The following GNG7 variants were observed in gnomAD, a reference collection of about 807,000 sequenced individuals.
GNG7 encodes guanine nucleotide-binding protein G(I)/G(S)/G(O) subunit gamma-7.
In GNG7, 1 loss-of-function variant was observed where a neutral mutation model predicts 4.0. That is an observed-to-expected ratio of 0.25 (90% CI 0.09 to 1.18). The LOEUF (loss-of-function observed/expected upper bound fraction) is 1.18. GNG7 is among the 50% of genes most tolerant of loss of function. GNG7 has a pLI of 0.50. For synonymous variants in GNG7, 34 were observed against 36.9 expected (o/e 0.92, Z 0.29); for missense variants, 86 against 91.9 (o/e 0.94, Z 0.26).
intron 2 of GNG7, chr19:2,642,620 G>A: frequency 2.7e-6 from 1 of 365,254 alleles, no homozygotes; most frequent in Non-Finnish European, 5.4e-6. Flanking sequence ...CCCCACTTCA[G>A]CCCCCCACTA....
chr19:2,521,659 G>A (rs1978309704), intron 3 of GNG7, among the ~76,000 whole-genome samples: 1 of 131,574 alleles, frequency 7.6e-6, no homozygotes, highest in Non-Finnish European at 1.5e-5. Flanking sequence ...TGTTGCCCAG[G>A]CTGGAGTGCA....
chr19:2,664,540 C>A (rs1983256562), intron 1 of GNG7, among the ~76,000 whole-genome samples: 2 of 152,100 alleles, frequency 1.3e-5, no homozygotes, highest in African/African-American at 4.8e-5. Context: ...CCTGAGGGTT[C>A]AAGGTCTCTG....
At chr19:2,673,201 C>T (rs570186239) in intron 1 of GNG7, among the ~76,000 whole-genome samples, 21 of 148,224 alleles carry the variant, frequency 1.4e-4, no homozygotes, top group South Asian at 8.6e-4. Context: ...GAGCTTGCAG[C>T]GAGCTGAGAT....
chr19:2,516,907 T>C (rs1445097897), intron 4 of GNG7: 3 of 152,272 alleles, frequency 2.0e-5, no homozygotes, highest in African/African-American at 7.2e-5. Flanking sequence ...GGCCATGCCT[T>C]TGGGGGTGCC....
At chr19:2,636,635 C>T (rs764568677) in intron 2 of GNG7, among the ~76,000 whole-genome samples, 10 of 152,164 alleles carry the variant, frequency 6.6e-5, no homozygotes, top group Non-Finnish European at 1.3e-4. Context: ...CCAGTGCCTC[C>T]CGCCTCCTGC....
intron 1 of GNG7, among the ~76,000 whole-genome samples, chr19:2,681,176 C>T (rs1383172949): frequency 2.0e-5 from 3 of 151,264 alleles, no homozygotes; most frequent in African/African-American, 7.3e-5. Context: ...TTTGTAGCAA[C>T]CAACTTTTTT....
intron 2 of GNG7, among the ~76,000 whole-genome samples, chr19:2,590,458 C>G (rs1344803262): frequency 6.6e-6 from 1 of 151,852 alleles, no homozygotes; most frequent in African/African-American, 2.4e-5. Flanking sequence ...TCCATTCACT[C>G]ATCTATCCAT....
At position 2,611,967 on chromosome 19, in the gene GNG7, G is replaced by C. The variant is rs983605463; in HGVS notation, c.-78+34257C>G. ...CAGCTCACTGCAACCTCCGCCTCCC[G>C]AGTTTAAGCGATTCTCCTGCTTCAG... On this transcript the variant is annotated intron_variant, in intron 2 of 4. Coordinates refer to ENST00000382159, the MANE Select transcript of GNG7 (RefSeq NM_052847.3). This position sits in a 1 kb window ranked among gnomAD's most constrained non-coding sequence, Gnocchi z 6.0. The C allele has an allele frequency of 6.6e-6, 1 of 151,478 alleles. No individual in the cohort carries two copies. Among genetic ancestry groups the C allele is most frequent in the Non-Finnish European group, 1.5e-5 (1 of 67,976 alleles). The allele number at this position is 151,478 out of a possible 1,614,324, so 9.4% of individuals were successfully genotyped here. A position where few individuals can be genotyped will look rare whatever the true frequency, so the allele number is the denominator to read the frequency against.
chr19:2,674,157 C>A (rs770635542), intron 1 of GNG7, among the ~76,000 whole-genome samples: 94 of 152,068 alleles, frequency 6.2e-4, no homozygotes, highest in Non-Finnish European at 1.0e-3. Flanking sequence ...CCCAGCTACT[C>A]CAGAGGCTGA....
At chr19:2,640,104 G>A (rs1185362436) in intron 2 of GNG7, among the ~76,000 whole-genome samples, 2 of 106,970 alleles carry the variant, frequency 1.9e-5, no homozygotes, top group African/African-American at 7.1e-5. Context: ...AAGGAGGGAG[G>A]GAAGGAGGGA....
intron 3 of GNG7, among the ~76,000 whole-genome samples, chr19:2,552,855 C>CA (rs1305761444): frequency 7.5e-6 from 1 of 134,178 alleles, no homozygotes; most frequent in East Asian, 2.0e-4. Flanking sequence ...GGCTCCACCC[C>CA]CCCCACCTCC....
intron 1 of GNG7, among the ~76,000 whole-genome samples, chr19:2,650,448 C>A (rs1030035979): frequency 6.6e-6 from 1 of 152,050 alleles, no homozygotes; most frequent in African/African-American, 2.4e-5. Context: ...CTTGGCCTCC[C>A]GAAGTTGTTG....
intron 2 of GNG7, among the ~76,000 whole-genome samples, chr19:2,601,049 C>T (rs941907035): frequency 6.6e-6 from 1 of 152,062 alleles, no homozygotes; most frequent in African/African-American, 2.4e-5. Context: ...GTGGTAGGAT[C>T]GCTTGAGCCC....
In GNG7 at chr19:2,511,707, C is replaced by G. The variant is rs1028840306; in HGVS notation, c.*3315G>C. On this transcript the variant is annotated 3_prime_UTR_variant, in exon 5 of 5. Transcript: ENST00000382159. The surrounding 1 kb of genome is among the most constrained non-coding windows in gnomAD (Gnocchi z 6.3). ...TGGAGGCCTAGCGTTGCGCCTCGGA[C>G]ACGGTGGCCGGCCCGTCAAAGGGAC... The G allele has an allele frequency of 5.4e-6, 4 of 735,338 alleles. No individual in the cohort carries two copies. Among genetic ancestry groups the G allele is most frequent in the Non-Finnish European group, 6.7e-6 (4 of 601,494 alleles). The allele number at this position is 735,338 out of a possible 1,614,324, so 45.6% of individuals were successfully genotyped here. A position where few individuals can be genotyped will look rare whatever the true frequency, so the allele number is the denominator to read the frequency against.
At chr19:2,670,639 G>A (rs1002187584) in intron 1 of GNG7, among the ~76,000 whole-genome samples, 2 of 151,852 alleles carry the variant, frequency 1.3e-5, no homozygotes, top group African/African-American at 4.9e-5. Context: ...TCCTCCCCTA[G>A]GCACTGCTGA....
rs1972688965 is a variant in GNG7, at chr19:2,513,801, C to A, written c.*1221G>T. The stretch of plus-strand genomic sequence containing the variant: ...CACCCGCCCTGCCGCGGCTCCCCAG[C>A]CTGCATTTTCTGTTTGAAAAACGTC... On this transcript the variant is annotated 3_prime_UTR_variant, in exon 5 of 5. Transcript: ENST00000382159. 6.5e-6 allele frequency: 1 copy of A among 152,912 alleles called. No homozygotes were observed. The highest frequency in any genetic ancestry group is 1.5e-5 in the Non-Finnish European group (1 of 68,722). The allele number at this position is 152,912 out of a possible 1,614,324, so 9.5% of individuals were successfully genotyped here. A position where few individuals can be genotyped will look rare whatever the true frequency, so the allele number is the denominator to read the frequency against.
At chr19:2,568,340 G>A (rs1390321343) in intron 2 of GNG7, among the ~76,000 whole-genome samples, 4 of 140,192 alleles carry the variant, frequency 2.9e-5, no homozygotes, top group Non-Finnish European at 6.2e-5. Context: ...CACACATATA[G>A]ACATACATAC....
At chr19:2,527,237 G>A (rs1978435102) in intron 3 of GNG7, among the ~76,000 whole-genome samples, 1 of 152,184 alleles carries the variant, frequency 6.6e-6, no homozygotes. Context: ...GTCCCCTCCA[G>A]GGCGACGTCA....
intron 2 of GNG7, among the ~76,000 whole-genome samples, chr19:2,582,435 T>TA (rs1441724756): frequency 6.6e-6 from 1 of 152,070 alleles, no homozygotes. Context: ...TCTCCAGTAA[T>TA]AAAAAAGATT....
Sources: gnomAD v4.1 joint callset for allele counts (sites outside exome capture counted in the v4.1 genomes callset) on GRCh38, gnomAD v4.1.1 for gene constraint, Gnocchi (gnomAD v3.1) non-coding constraint, MANE v1.5 for transcripts, NCBI Gene and HGNC (gene_info 2026-07-23, HGNC 2026-07-21) for gene names.